The following CLIP1 variants were observed in gnomAD, a reference collection of about 807,000 sequenced individuals.
CLIP1 encodes CAP-Gly domain containing linker protein 1.
CLIP1 carries 66 observed loss-of-function variants against 161.6 expected under a neutral mutation model. The observed-to-expected ratio is 0.41, with a 90% CI of 0.33 to 0.50. CLIP1 has a LOEUF of 0.50. CLIP1 is among the 20% of genes least tolerant of loss of function. The probability of loss-of-function intolerance (pLI) is 0.27; values close to 1 mark genes in which losing one functional copy is unlikely to be tolerated. For missense variants in CLIP1, 1,376 were observed against 1,702.0 expected, an observed-to-expected ratio of 0.81 and a Z score of 3.37; for synonymous variants, 598 against 626.2, an observed-to-expected ratio of 0.96 and a Z score of 0.67.
chr12:122,308,764 T>A (rs1474494569), intron 20 of CLIP1, among the ~76,000 whole-genome samples: 1 of 152,196 alleles, frequency 6.6e-6, no homozygotes. Flanking sequence ...AGCATCATCA[T>A]CATCTTGGAG....
At chr12:122,401,865 C>CA (rs1039777211) in intron 1 of CLIP1, among the ~76,000 whole-genome samples, 2 of 151,894 alleles carry the variant, frequency 1.3e-5, no homozygotes, top group Admixed American at 6.6e-5. Context: ...GGTGTGGTAG[C>CA]ACATGCCTGT....
intron 17 of CLIP1, among the ~76,000 whole-genome samples, chr12:122,321,231 C>A (rs1951488614): frequency 6.6e-6 from 1 of 151,410 alleles, no homozygotes; most frequent in Admixed American, 6.6e-5. Context: ...TCAATATGTG[C>A]CAATTTATTG....
chr12:122,387,233 G>C (rs970683572), intron 1 of CLIP1, among the ~76,000 whole-genome samples: 5 of 152,030 alleles, frequency 3.3e-5, no homozygotes, highest in African/African-American at 1.2e-4. Context: ...TCAAAGTGTG[G>C]TCGGTGCACT....
At chr12:122,273,941 A>G (rs1955284783) in intron 25 of CLIP1, 97 bp downstream of exon 25, 1 of 974,434 alleles carries the variant, frequency 1.0e-6, no homozygotes. Flanking sequence ...CGTGTTGGCC[A>G]GGCTGGTCTC....
chr12:122,288,101 C>A (rs1028546658), intron 21 of CLIP1, among the ~76,000 whole-genome samples: 1 of 151,656 alleles, frequency 6.6e-6, no homozygotes. Flanking sequence ...GGCGCGATCT[C>A]GGCTCACTGC....
At chr12:122,416,414 A>G (rs1389748719) in intron 1 of CLIP1, among the ~76,000 whole-genome samples, 1 of 152,110 alleles carries the variant, frequency 6.6e-6, no homozygotes, top group African/African-American at 2.4e-5. Flanking sequence ...AAATTAGGGA[A>G]ATTCTTTGAG....
In CLIP1 at chr12:122,330,597, GTTTT is replaced by G. The variant is rs71082966; in HGVS notation, c.2868-2175_2868-2172del. On this transcript the variant is annotated intron_variant, in intron 15 of 25. Coordinates refer to ENST00000620786, the MANE Select transcript of CLIP1 (RefSeq NM_001247997.2). ...TTCAGCACTGAAGAAGTATAATGCA[GTTTT>G]TTTTTTTTTTTTTTTTGAGATGGAG... 4.9e-5 allele frequency among the ~76,000 whole-genome samples: 5 copies of G among 101,376 alleles called. No individual in the cohort carries two copies. In the East Asian group the frequency reaches 9.0e-4, roughly 18 times the overall value. 66.5% of individuals were successfully genotyped at this position (101,376 alleles called of 152,430 possible).
chr12:122,392,052 C>T (rs1040848917), intron 1 of CLIP1, among the ~76,000 whole-genome samples: 6 of 152,186 alleles, frequency 3.9e-5, no homozygotes, highest in Admixed American at 3.9e-4. Flanking sequence ...GAGAGGATTG[C>T]TTAAGTCCAG....
rs550914528 is a variant in CLIP1, at chr12:122,299,926, A to AG, written c.3594+9835dup. ...GCAAGACTCTGTCTCAAAAAAAAAAAGAAGGAAACATATTTCCCCAATTCT... is the reference window on the plus strand; with the variant it reads ...GCAAGACTCTGTCTCAAAAAAAAAAAGGAAGGAAACATATTTCCCCAATTCT... On this transcript the variant is annotated intron_variant, in intron 20 of 25. Transcript: ENST00000620786. 1.9e-3 allele frequency among the ~76,000 whole-genome samples: 289 copies of AG among 151,854 alleles called. 4 individuals are homozygous for AG. Among genetic ancestry groups the AG allele is most frequent in the African/African-American group, 6.8e-3 (279 of 41,308 alleles).
At chr12:122,415,341 G>A (rs1956707136) in intron 1 of CLIP1, among the ~76,000 whole-genome samples, 1 of 151,840 alleles carries the variant, frequency 6.6e-6, no homozygotes, top group Non-Finnish European at 1.5e-5. Context: ...AATTAGCCGG[G>A]TGTGGTGGCG....
At chr12:122,361,270 T>G in intron 4 of CLIP1, 89 bp from the exon 5 acceptor site, 1 of 1,103,988 alleles carries the variant, frequency 9.1e-7, no homozygotes. Flanking sequence ...ACTCCTAACT[T>G]ACGGTTGGAT....
In CLIP1 at chr12:122,326,370, G is replaced by A. The variant is rs751658168; in HGVS notation, c.3249+1577C>T. On this transcript the variant is annotated intron_variant, in intron 17 of 25. Transcript: ENST00000620786. ...AGACTGGCCAGGAATGGTGGCTCAC[G>A]CCTGCAACCCCAGCGCCTTGTGAGA... 2.0e-5 allele frequency among the ~76,000 whole-genome samples: 3 copies of A among 152,062 alleles called. No individual in the cohort carries two copies. The East Asian group carries it at 5.8e-4, about 29-fold the overall frequency.
chr12:122,283,527 C>T (rs1312165297), intron 21 of CLIP1, among the ~76,000 whole-genome samples: 1 of 148,904 alleles, frequency 6.7e-6, no homozygotes, highest in Non-Finnish European at 1.5e-5. Context: ...GGTGCGATCT[C>T]GGCTCACTGT....
intron 21 of CLIP1, among the ~76,000 whole-genome samples, chr12:122,286,169 C>A (rs1955843340): frequency 6.6e-6 from 1 of 152,254 alleles, no homozygotes; most frequent in Non-Finnish European, 1.5e-5. Context: ...ACCCACTAAA[C>A]CTGCTTGGCA....
At chr12:122,337,629 T>G (rs1952292460) in intron 11 of CLIP1, among the ~76,000 whole-genome samples, 1 of 152,066 alleles carries the variant, frequency 6.6e-6, no homozygotes, top group Non-Finnish European at 1.5e-5. Flanking sequence ...TTTCTATACT[T>G]CATTGTAACT....
At chr12:122,341,762 C>CCTTTTTTTTTTTTTTTTTTTTTTTTTTTT (rs1566143047) in intron 10 of CLIP1, 65 bp from the exon 11 acceptor site, 1 of 96,018 alleles carries the variant, frequency 1.0e-5, no homozygotes, top group Non-Finnish European at 2.1e-5. Context: ...ATTTTCTTTT[C>CCTTTTTTTTTTTTTTTTTTTTTTTTTTTT]TTTTTTTTTT....
At chr12:122,292,800 G>C (rs1240562089) in intron 20 of CLIP1, among the ~76,000 whole-genome samples, 1 of 151,858 alleles carries the variant, frequency 6.6e-6, no homozygotes, top group Non-Finnish European at 1.5e-5. Context: ...TCAGGAGATC[G>C]AGACCATCCT....
intron 1 of CLIP1, among the ~76,000 whole-genome samples, chr12:122,389,577 G>A (rs146266339): frequency 2.6e-5 from 4 of 152,008 alleles, no homozygotes; most frequent in African/African-American, 7.2e-5. Context: ...TGGCCAACAT[G>A]GCGAAACCCC....
chr12:122,370,941 G>C (rs992796375), intron 3 of CLIP1, among the ~76,000 whole-genome samples: 2 of 133,920 alleles, frequency 1.5e-5, no homozygotes, highest in Non-Finnish European at 3.1e-5. Flanking sequence ...CTGGGCAACA[G>C]AGCAGGACTC....
Sources: allele counts gnomAD v4.1 joint callset (sites outside exome capture counted in the v4.1 genomes callset), GRCh38; gene constraint gnomAD v4.1.1; transcripts MANE v1.5; gene names NCBI Gene and HGNC (gene_info 2026-07-23, HGNC 2026-07-21).